Variants in MAGI1 observed in about 807,000 individuals in gnomAD.
The protein encoded by MAGI1 is membrane associated guanylate kinase, WW and PDZ domain containing 1, also known as membrane-associated guanylate kinase, WW and PDZ domain-containing protein 1.
In MAGI1, 58 loss-of-function variants were observed where a neutral mutation model predicts 139.9. That is an observed-to-expected ratio of 0.41 (90% CI 0.34 to 0.52). The LOEUF (loss-of-function observed/expected upper bound fraction) is 0.52, where lower values mean the gene tolerates loss of function less well. Among genes scored for constraint, MAGI1 ranks in the 20% least tolerant of loss-of-function variants. The pLI, the probability that MAGI1 is intolerant of heterozygous loss-of-function variation, is 0.12. For synonymous variants in MAGI1, 812 were observed against 737.9 expected (o/e 1.10, Z -1.63); for missense variants, 1,874 against 1,901.6 (o/e 0.99, Z 0.27).
At chr3:65,752,353 T>C in intron 1 of MAGI1, among the ~76,000 whole-genome samples, 1 of 152,184 alleles carries the variant, frequency 6.6e-6, no homozygotes. Flanking sequence ...TTTTCTTCTA[T>C]AAGATGAGGA....
intron 1 of MAGI1, among the ~76,000 whole-genome samples, chr3:65,918,384 T>TTTC (rs2062010443): frequency 6.7e-6 from 1 of 149,574 alleles, no homozygotes; most frequent in Non-Finnish European, 1.5e-5. Flanking sequence ...AAAACATTTT[T>TTTC]TTTTTTTTTT....
intron 1 of MAGI1, among the ~76,000 whole-genome samples, chr3:65,759,691 T>C (rs1362128564): frequency 6.6e-6 from 1 of 152,158 alleles, no homozygotes; most frequent in Admixed American, 6.5e-5. Context: ...ATTAAAGGCA[T>C]AAAAGAAAGG....
rs142115895 is a variant in MAGI1 at position 65,983,611 on chromosome 3, T to C, written c.313+54385A>G. 2.0e-4 allele frequency among the ~76,000 whole-genome samples: 31 copies of C among 152,298 alleles called. No homozygotes were observed. The East Asian group carries it at 5.6e-3, about 27-fold the overall frequency. ...AATTTTTTAAAAATGAAATTAGAGT[T>C]TGATAGCAGTCTTTTAAATAAGTCA... On this transcript the variant is annotated intron_variant, in intron 1 of 22. Coordinates refer to ENST00000402939, the MANE Select transcript of MAGI1 (RefSeq NM_001033057.2).
intron 5 of MAGI1, 76 bp downstream of exon 5, chr3:65,470,207 T>G (rs1950477292): frequency 1.0e-6 from 1 of 970,312 alleles, no homozygotes; most frequent in Admixed American, 2.3e-5. Context: ...TAATTTACAT[T>G]GGCAACTGCT....
rs913298668 is a variant in MAGI1 at position 65,453,174 on chromosome 3, C to A, written c.1042+84G>T. On this transcript the variant is annotated intron_variant, in intron 6 of 22. Coordinates refer to ENST00000402939, the MANE Select transcript of MAGI1 (RefSeq NM_001033057.2). Reference sequence around the variant, plus strand: ...TTTAAAAACTCAACATAAGACCCGACTGACCTGGCTACGACTCTTTAAAAT... The same window carrying A: ...TTTAAAAACTCAACATAAGACCCGAATGACCTGGCTACGACTCTTTAAAAT... 12 of 1,192,804 alleles carry A rather than the reference C, an allele frequency of 1.0e-5. No homozygotes were observed. In the Admixed American group the frequency reaches 1.0e-4, roughly 10 times the overall value. The allele number at this position is 1,192,804 out of a possible 1,614,324, so 73.9% of individuals were successfully genotyped here. A position where few individuals can be genotyped will look rare whatever the true frequency, so the allele number is the denominator to read the frequency against.
At chr3:66,007,428 G>A (rs572473469) in intron 1 of MAGI1, among the ~76,000 whole-genome samples, 33 of 152,230 alleles carry the variant, frequency 2.2e-4, no homozygotes, top group East Asian at 1.5e-3. Context: ...AAATCTAATC[G>A]CTGCCTGAGA....
chr3:65,384,271 T>A (rs1331237796), intron 14 of MAGI1, among the ~76,000 whole-genome samples: 2 of 152,242 alleles, frequency 1.3e-5, no homozygotes, highest in Non-Finnish European at 2.9e-5. Flanking sequence ...GGGTTCTGCA[T>A]CCTTAGATTC....
At chr3:65,800,490 T>A (rs563722455) in intron 1 of MAGI1, among the ~76,000 whole-genome samples, 4 of 152,272 alleles carry the variant, frequency 2.6e-5, no homozygotes, top group African/African-American at 9.6e-5. Context: ...GTGAGTCCAA[T>A]TGTCCAGTCT....
intron 1 of MAGI1, among the ~76,000 whole-genome samples, chr3:65,858,948 A>C (rs1366054624): frequency 6.6e-6 from 1 of 152,182 alleles, no homozygotes; most frequent in Non-Finnish European, 1.5e-5. Context: ...GGAGCTGTCA[A>C]ACTTAAAGAG....
rs1212997387 is a variant in MAGI1 at position 65,797,177 on chromosome 3, T to C, written c.314-175089A>G. 2.0e-5 allele frequency among the ~76,000 whole-genome samples: 3 copies of C among 152,180 alleles called. No individual in the cohort carries two copies. The East Asian group carries it at 5.8e-4, about 29-fold the overall frequency. On this transcript the variant is annotated intron_variant, in intron 1 of 22. Transcript: ENST00000402939. The stretch of plus-strand genomic sequence containing the variant: ...CTCAGTCTCTGAGATACAAGGCAAG[T>C]CCAATTAGTGCAGACAATGTAAGCC...
intron 2 of MAGI1, among the ~76,000 whole-genome samples, chr3:65,586,054 A>T (rs1352251897): frequency 6.6e-6 from 1 of 152,102 alleles, no homozygotes; most frequent in Admixed American, 6.5e-5. Flanking sequence ...CAAAAAATTT[A>T]AAAAATTATC....
intron 2 of MAGI1, among the ~76,000 whole-genome samples, chr3:65,593,664 T>C (rs1259933133): frequency 6.6e-6 from 1 of 152,216 alleles, no homozygotes; most frequent in African/African-American, 2.4e-5. Flanking sequence ...CAGCCTGAAC[T>C]TCATAATGAC....
intron 3 of MAGI1, among the ~76,000 whole-genome samples, chr3:65,480,689 G>T (rs1420018666): frequency 6.7e-6 from 1 of 149,710 alleles, no homozygotes; most frequent in Non-Finnish European, 1.5e-5. Flanking sequence ...AGGTTCAAGC[G>T]ATTCTCCAGT....
intron 5 of MAGI1, among the ~76,000 whole-genome samples, chr3:65,468,602 C>T (rs556962291): frequency 1.3e-5 from 2 of 152,008 alleles, no homozygotes; most frequent in East Asian, 1.9e-4. Context: ...GTCTAGAGTT[C>T]ATGACTTCAG....
intron 1 of MAGI1, among the ~76,000 whole-genome samples, chr3:65,675,092 C>T (rs543569224): frequency 1.0e-3 from 158 of 152,250 alleles, no homozygotes; most frequent in African/African-American, 3.5e-3. Flanking sequence ...TGACCAGATG[C>T]TCTCTGATCT....
intron 18 of MAGI1, among the ~76,000 whole-genome samples, chr3:65,373,156 G>T (rs1942168063): frequency 2.0e-5 from 3 of 152,128 alleles, no homozygotes; most frequent in African/African-American, 7.2e-5. Context: ...TCTAGCTTTT[G>T]ATTTAAAGTG....
chr3:65,581,817 G>A (rs1037907079), intron 2 of MAGI1, among the ~76,000 whole-genome samples: 8 of 151,824 alleles, frequency 5.3e-5, no homozygotes, highest in African/African-American at 1.9e-4. Context: ...AATACTTTGC[G>A]GTCCTTATCT....
intron 2 of MAGI1, among the ~76,000 whole-genome samples, chr3:65,586,293 A>G (rs1023421945): frequency 5.3e-5 from 8 of 152,154 alleles, no homozygotes; most frequent in Admixed American, 1.3e-4. Flanking sequence ...TATACACTAG[A>G]TTATCCCACT....
At chr3:65,959,392 C>A (rs1418826106) in intron 1 of MAGI1, among the ~76,000 whole-genome samples, 1 of 152,102 alleles carries the variant, frequency 6.6e-6, no homozygotes, top group East Asian at 1.9e-4. Flanking sequence ...CTACCCATCA[C>A]TGATTCCCCA....
Sources: gnomAD v4.1 joint callset for allele counts (sites outside exome capture counted in the v4.1 genomes callset) on GRCh38, gnomAD v4.1.1 for gene constraint, MANE v1.5 for transcripts, NCBI Gene and HGNC (gene_info 2026-07-23, HGNC 2026-07-21) for gene names.